CNOT3: variants seen among roughly 807,000 people sequenced by gnomAD.
CNOT3 encodes CCR4-NOT transcription complex subunit 3, also known as CCR4-associated factor 3.
In CNOT3, 2 loss-of-function variants were observed where a neutral mutation model predicts 89.4. The ratio of observed to expected loss-of-function variants is 0.02; its 90% CI spans 0.01 to 0.07. The LOEUF is 0.07. Ranked by LOEUF, CNOT3 falls within the 10% of genes least tolerant of loss-of-function variation. The pLI, the probability that CNOT3 is intolerant of heterozygous loss-of-function variation, is 1.00. For synonymous variants in CNOT3, 486 were observed against 402.0 expected (o/e 1.21, Z -2.50); for missense variants, 664 against 1,010.2 (o/e 0.66, Z 4.65).
At chr19:54,151,666 T>C (rs2075119763) in intron 13 of CNOT3, among the ~76,000 whole-genome samples, 1 of 152,118 alleles carries the variant, frequency 6.6e-6, no homozygotes, top group African/African-American at 2.4e-5. Context: ...CTGTAACCTT[T>C]GTAATAGGAA....
rs1211521155 is a variant in CNOT3, at chr19:54,148,762, G to C, written c.1406+19G>C. Reference sequence around the variant, plus strand: ...GCACCTCGTGAGTGTCTCGGCCATCGGCAGGGTTGGGATGGCAGCCTTTTG... The same window carrying C: ...GCACCTCGTGAGTGTCTCGGCCATCCGCAGGGTTGGGATGGCAGCCTTTTG... On this transcript the variant is annotated intron_variant, in intron 12 of 17. Transcript: ENST00000221232. The surrounding 1 kb of genome is among the most constrained non-coding windows in gnomAD (Gnocchi z 6.3). 1.2e-6 allele frequency: 2 copies of C among 1,606,732 alleles called. No individual in the cohort carries two copies. Among genetic ancestry groups the C allele is most frequent in the Admixed American group, 3.4e-5 (2 of 59,482 alleles).
Position 54,148,826 on chromosome 19 carries a change from G to A in CNOT3, c.1406+83G>A. ...CAGGCGCCTCACCCCCGCATCGGTG[G>A]GTTCTGAACCCCCCGCCCTTGCTGC... On this transcript the variant is annotated intron_variant, in intron 12 of 17. Coordinates refer to ENST00000221232, the MANE Select transcript of CNOT3 (RefSeq NM_014516.4). The surrounding 1 kb of genome is among the most constrained non-coding windows in gnomAD (Gnocchi z 6.3). The A allele has an allele frequency of 7.5e-7, 1 of 1,326,334 alleles. No homozygotes were observed. The highest frequency in any genetic ancestry group is 1.0e-6 in the Non-Finnish European group (1 of 967,338). 82.2% of individuals were successfully genotyped at this position (1,326,334 alleles called of 1,614,324 possible).
At chr19:54,142,892 G>A in intron 1 of CNOT3, 37 bp from the exon 2 acceptor site, 1 of 1,371,176 alleles carries the variant, frequency 7.3e-7, no homozygotes, top group Non-Finnish European at 1.0e-6. Flanking sequence ...ACCAGCCAGG[G>A]AATACGTGTT....
In CNOT3 at chr19:54,153,732, T is replaced by C. The variant is rs2146794087; in HGVS notation, c.2055T>C (p.Tyr685=). The change falls in exon 17 of 18, where the codon TAT becomes TAC. Residue 685 remains tyrosine, a synonymous_variant. Coordinates refer to ENST00000221232, the MANE Select transcript of CNOT3 (RefSeq NM_014516.4). ...FYYLEGTKAQ[Y]LAAKALKKQS... ...TCCCCCAGGGCACTAAGGCACAGTA[T>C]CTGGCAGCCAAGGCCCTAAAGAAGC... is the stretch of plus-strand genomic sequence containing the variant. 6.2e-7 allele frequency: 1 copy of C among 1,614,012 alleles called. No individual in the cohort carries two copies. The highest frequency in any genetic ancestry group is 1.1e-5 in the South Asian group (1 of 91,080).
rs199926517 is a variant in CNOT3 at position 54,155,302 on chromosome 19, C to T, written c.2164-7C>T. 411 of 1,612,870 alleles carry T rather than the reference C, an allele frequency of 2.5e-4. 1 individual carries two copies. The highest frequency in any genetic ancestry group is 8.3e-4 in the Middle Eastern group (5 of 6,060). ...TCCACTCACTGACCGCCTTCTCCCC[C>T]GGCCAGGGCACCTACATCTACTTTG... On this transcript the variant is annotated splice_polypyrimidine_tract_variant and splice_region_variant and intron_variant, in intron 17 of 17. Transcript: ENST00000221232.
At position 54,144,998 on chromosome 19, in the gene CNOT3, G is replaced by C. The variant is rs1183884690; in HGVS notation, c.484-600G>C. On this transcript the variant is annotated intron_variant, in intron 7 of 17. Coordinates refer to ENST00000221232, the MANE Select transcript of CNOT3 (RefSeq NM_014516.4). This position sits in a 1 kb window ranked among gnomAD's most constrained non-coding sequence, Gnocchi z 4.8. ...TTTGGGAACCAGGGGCTTTCGGGGAGATGATGGGTCCTTGAACAGAGCAGA... is the reference window on the plus strand; with the variant it reads ...TTTGGGAACCAGGGGCTTTCGGGGACATGATGGGTCCTTGAACAGAGCAGA... 1.3e-5 allele frequency among the ~76,000 whole-genome samples: 2 copies of C among 152,082 alleles called. No homozygotes were observed. The highest frequency in any genetic ancestry group is 2.1e-4 in the South Asian group (1 of 4,832).
At chr19:54,153,201 T>C (rs1258108888) in intron 16 of CNOT3, 7 of 765,214 alleles carry the variant, frequency 9.1e-6, no homozygotes, top group Non-Finnish European at 1.7e-5. Flanking sequence ...TTAGAACTGC[T>C]TGGGTTGACA....
chr19:54,141,207 C>G (rs747497947), intron 1 of CNOT3, among the ~76,000 whole-genome samples: 6 of 152,316 alleles, frequency 3.9e-5, no homozygotes, highest in East Asian at 1.9e-4. Flanking sequence ...GGCACCTTCT[C>G]CTGGGTCCTT....
chr19:54,152,653 G>A (rs747113269), intron 15 of CNOT3, 27 bp downstream of exon 15: 3 of 1,576,416 alleles, frequency 1.9e-6, no homozygotes, highest in Non-Finnish European at 2.6e-6. Flanking sequence ...AAGGGGGATG[G>A]TCTGGGACTT....
rs1481483493 is a variant in CNOT3, at chr19:54,148,934, C to G, written c.1406+191C>G. ...CCAGCAAGGAAACTACATCAGCCTC[C>G]CTGCTTTGCCCTTCAGAACATTCTA... On this transcript the variant is annotated intron_variant, in intron 12 of 17. Coordinates refer to ENST00000221232, the MANE Select transcript of CNOT3 (RefSeq NM_014516.4). The surrounding 1 kb of genome is among the most constrained non-coding windows in gnomAD (Gnocchi z 6.3). Among the ~76,000 whole-genome samples the G allele has an allele frequency of 6.6e-6, 1 of 152,228 alleles. No homozygotes were observed. The highest frequency in any genetic ancestry group is 6.5e-5 in the Admixed American group (1 of 15,284).
Position 54,148,299 on chromosome 19 carries a change from C to T in CNOT3, c.1046C>T (p.Pro349Leu), listed in dbSNP as rs1442130119. Residue 349 changes from proline to leucine, a missense_variant, in exon 11 of 18, where the codon CCC (proline) becomes CTC (leucine). Pro to Leu is a moderately conservative substitution (Grantham distance 98, BLOSUM62 -3). Around this residue, in one of 8 missense-constraint regions of CNOT3, gnomAD observed 545 missense variants for 566.2 expected, o/e 0.96. Transcript: ENST00000221232. This position sits in a 1 kb window ranked among gnomAD's most constrained non-coding sequence, Gnocchi z 6.3. ...GNNGVPAPAAPPSALGPKASP... is the reference protein window; with the variant it reads ...GNNGVPAPAALPSALGPKASP... Reference sequence around the variant, plus strand: ...AATGGGGTCCCCGCCCCCGCAGCACCCCCAAGTGCCCTGGGCCCCAAGGCC... The same window carrying T: ...AATGGGGTCCCCGCCCCCGCAGCACTCCCAAGTGCCCTGGGCCCCAAGGCC... 1.2e-6 allele frequency: 2 copies of T among 1,608,710 alleles called. No individual in the cohort carries two copies. The highest frequency in any genetic ancestry group is 1.7e-6 in the Non-Finnish European group (2 of 1,177,346).
intron 13 of CNOT3, 31 bp from the exon 14 acceptor site, chr19:54,152,195 G>T (rs1225158697): frequency 6.2e-7 from 1 of 1,611,432 alleles, no homozygotes; most frequent in Non-Finnish European, 8.5e-7. Flanking sequence ...CAGCCCAAGT[G>T]CTCAGGCCAG....
rs36665 is a variant in CNOT3, at chr19:54,145,935, C to T, written c.729C>T (p.Pro243=). Residue 243 remains proline, a synonymous_variant, in exon 9 of 18, where the codon CCC becomes CCT. Transcript: ENST00000221232. This position sits in a 1 kb window ranked among gnomAD's most constrained non-coding sequence, Gnocchi z 5.9. The stretch of plus-strand genomic sequence containing the variant: ...CACAGGCGCTGGTCGCCACCTCCCC[C>T]CCCAGCCACAGCCACATGGAGGATG... ...DIPQALVATS[P]PSHSHMEDEI... 592 of 1,613,940 alleles carry T rather than the reference C, an allele frequency of 3.7e-4. 7 individuals are homozygous for T. The East Asian group carries it at 0.012, about 33-fold the overall frequency.
chr19:54,149,690 A>C lies in CNOT3; in HGVS notation c.1537A>C (p.Ser513Arg). 3 of 1,613,926 alleles carry C rather than the reference A, an allele frequency of 1.9e-6. No individual in the cohort carries two copies. In the East Asian group the frequency reaches 6.7e-5, roughly 36 times the overall value. Residue 513 changes from serine (S) to arginine (R), a missense_variant, in exon 13 of 18, where the codon AGT (serine) becomes CGT (arginine). Around this residue, in one of 8 missense-constraint regions of CNOT3, gnomAD observed 545 missense variants for 566.2 expected, o/e 0.96. Transcript: ENST00000221232. ...TCCCAGCTCCCCAACGCCCAGCTTC[A>C]GTGATGCCAAGGCAGCCGGTGCCCT... ...NPPSSPTPSF[S>R]DAKAAGALLN...
At chr19:54,146,117 C>A in intron 9 of CNOT3, 74 bp downstream of exon 9, 1 of 1,556,414 alleles carries the variant, frequency 6.4e-7, no homozygotes, top group Non-Finnish European at 8.7e-7. Context: ...CTGGGTCACT[C>A]CAAAGTGGCT....
chr19:54,153,891 C>T (rs550253877), intron 17 of CNOT3, 51 bp downstream of exon 17: 4 of 1,612,918 alleles, frequency 2.5e-6, no homozygotes, highest in East Asian at 2.2e-5. Context: ...GGTAGAGTCC[C>T]CAGGCTCCAG....
intron 1 of CNOT3, among the ~76,000 whole-genome samples, chr19:54,140,893 G>C (rs2074422950): frequency 6.6e-6 from 1 of 152,200 alleles, no homozygotes; most frequent in Admixed American, 6.5e-5. Flanking sequence ...GAGACACAGG[G>C]AGGGCGTCAC....
chr19:54,153,565 G>T lies in CNOT3; in HGVS notation c.2038-150G>T, dbSNP rs1054422721. The T allele has an allele frequency of 4.0e-5, 31 of 781,092 alleles. No homozygotes were observed. In the African/African-American group the frequency reaches 4.4e-4, roughly 11 times the overall value. 48.4% of individuals were successfully genotyped at this position (781,092 alleles called of 1,614,324 possible). ...CCTGATCAGCATTGGTATGTTCTGTGCCCCCAGCCCCATCTCCAAGAGGAT... is the reference window on the plus strand; with the variant it reads ...CCTGATCAGCATTGGTATGTTCTGTTCCCCCAGCCCCATCTCCAAGAGGAT... On this transcript the variant is annotated intron_variant, in intron 16 of 17. Coordinates refer to ENST00000221232, the MANE Select transcript of CNOT3 (RefSeq NM_014516.4).
rs587617701 is a variant in CNOT3, at chr19:54,144,604, A to G, written c.483+272A>G. Among the ~76,000 whole-genome samples the G allele has an allele frequency of 1.9e-4, 29 of 152,264 alleles. 1 individual carries two copies. In the East Asian group the frequency reaches 5.4e-3, roughly 28 times the overall value. On this transcript the variant is annotated intron_variant, in intron 7 of 17. Coordinates refer to ENST00000221232, the MANE Select transcript of CNOT3 (RefSeq NM_014516.4). The surrounding 1 kb of genome is among the most constrained non-coding windows in gnomAD (Gnocchi z 4.8). ...TTGTGAAGAGGAGCGACTTGGGGGA[A>G]GGTGAGTGCAGGTTGAGCTTGGGCC...
Sources: gnomAD v4.1 joint callset for allele counts (sites outside exome capture counted in the v4.1 genomes callset) on GRCh38, gnomAD v4.1.1 for gene constraint, gnomAD v4.1.1 regional missense constraint, Gnocchi (gnomAD v3.1) non-coding constraint, MANE v1.5 for transcripts, NCBI Gene and HGNC (gene_info 2026-07-23, HGNC 2026-07-21) for gene names.